Variants in DNER observed in about 807,000 individuals in gnomAD.
The protein encoded by DNER is delta/notch like EGF repeat containing.
In DNER, 33 loss-of-function variants were observed where a neutral mutation model predicts 78.2. The ratio of observed to expected loss-of-function variants is 0.42; its 90% CI spans 0.32 to 0.56. The LOEUF (loss-of-function observed/expected upper bound fraction) is 0.56. Ranked by LOEUF, DNER falls within the 20% of genes least tolerant of loss-of-function variation. The pLI is 0.11. For synonymous variants in DNER, 417 were observed against 384.8 expected (o/e 1.08, Z -0.98); for missense variants, 918 against 975.3 (o/e 0.94, Z 0.78).
chr2:229,641,596 C>T (rs1698625925), intron 1 of DNER, among the ~76,000 whole-genome samples: 1 of 144,386 alleles, frequency 6.9e-6, no homozygotes, highest in African/African-American at 2.6e-5. Context: ...AAACAAATGA[C>T]CTTTCTAGAC....
Position 229,387,509 on chromosome 2 carries a change from G to GAGAGAAAGAAAGAA in DNER, c.1855+755_1855+756insTTCTTTCTTTCTCT, listed in dbSNP as rs1286340836. 3.2e-3 allele frequency among the ~76,000 whole-genome samples: 246 copies of GAGAGAAAGAAAGAA among 76,132 alleles called. 2 individuals are homozygous for GAGAGAAAGAAAGAA. The highest frequency in any genetic ancestry group is 3.5e-3 in the Non-Finnish European group (127 of 36,738). The allele number at this position is 76,132 out of a possible 152,430, so 49.9% of individuals were successfully genotyped here. On this transcript the variant is annotated intron_variant, in intron 11 of 12. Coordinates refer to ENST00000341772, the MANE Select transcript of DNER (RefSeq NM_139072.4). ...AAAGAAAGAAAGAAAGAAAGAAAGA[G>GAGAGAAAGAAAGAA]AGAAAGAAAGAAAGAAAGAAAGAAA...
intron 6 of DNER, among the ~76,000 whole-genome samples, chr2:229,509,439 A>G (rs59783670): frequency 0.014 from 2,124 of 152,344 alleles, 62 homozygotes; most frequent in African/African-American, 0.049. Flanking sequence ...AGTGTCCACA[A>G]TTTGTCAGAC....
chr2:229,499,133 A>G (rs1695560187), intron 6 of DNER, among the ~76,000 whole-genome samples: 1 of 152,164 alleles, frequency 6.6e-6, no homozygotes, highest in Non-Finnish European at 1.5e-5. Context: ...GATTTTCAAC[A>G]ATGATGCCAA....
intron 9 of DNER, among the ~76,000 whole-genome samples, chr2:229,415,430 A>G (rs1395208758): frequency 1.3e-5 from 2 of 152,188 alleles, no homozygotes; most frequent in African/African-American, 4.8e-5. Flanking sequence ...GGAAACTGTT[A>G]GGTAATAAAA....
chr2:229,521,300 G>A (rs1024891531), intron 5 of DNER, among the ~76,000 whole-genome samples: 1 of 152,328 alleles, frequency 6.6e-6, no homozygotes, highest in South Asian at 2.1e-4. Context: ...GGAAGACAGT[G>A]TGTCCTGGCC....
chr2:229,546,849 AGGATGAAAGG>A, intron 5 of DNER, 88 bp downstream of exon 5: 1 of 1,509,696 alleles, frequency 6.6e-7, no homozygotes, highest in South Asian at 1.2e-5. Context: ...AGATAGAGCA[AGGATGAAAGG>A]GGTAAGAACA....
intron 6 of DNER, among the ~76,000 whole-genome samples, chr2:229,480,195 A>G (rs35913968): frequency 0.12 from 17,961 of 152,140 alleles, 1,261 homozygotes; most frequent in South Asian, 0.2. Flanking sequence ...GAGGTTATAA[A>G]CCTCATGTGT....
At chr2:229,390,059 A>G (rs1156801883) in intron 10 of DNER, among the ~76,000 whole-genome samples, 1 of 152,246 alleles carries the variant, frequency 6.6e-6, no homozygotes, top group African/African-American at 2.4e-5. Flanking sequence ...ATGATCAGGA[A>G]CATGCTGAGA....
intron 7 of DNER, among the ~76,000 whole-genome samples, chr2:229,459,083 C>G (rs1363567114): frequency 6.6e-6 from 1 of 151,992 alleles, no homozygotes; most frequent in Non-Finnish European, 1.5e-5. Flanking sequence ...ACACTGAAAA[C>G]TATAAAACAT....
intron 1 of DNER, among the ~76,000 whole-genome samples, chr2:229,604,647 C>T (rs1207178037): frequency 2.0e-5 from 3 of 152,204 alleles, no homozygotes; most frequent in Non-Finnish European, 4.4e-5. Context: ...GTTTTTCTCT[C>T]TGCAGGCACA....
chr2:229,463,045 C>T (rs560476457), intron 7 of DNER, among the ~76,000 whole-genome samples: 15 of 152,068 alleles, frequency 9.9e-5, no homozygotes, highest in Admixed American at 6.5e-4. Context: ...CCCTGCTCAC[C>T]CCTTTCATAG....
chr2:229,624,119 G>A (rs1698298155), intron 1 of DNER, among the ~76,000 whole-genome samples: 1 of 152,182 alleles, frequency 6.6e-6, no homozygotes, highest in African/African-American at 2.4e-5. Flanking sequence ...GAAAGAATTT[G>A]TTGCAGACAC....
At chr2:229,564,853 T>C (rs1227972768) in intron 4 of DNER, among the ~76,000 whole-genome samples, 2 of 152,106 alleles carry the variant, frequency 1.3e-5, no homozygotes, top group Non-Finnish European at 2.9e-5. Flanking sequence ...ACAAAGGAAA[T>C]TTATTGCTCA....
At chr2:229,547,133 C>T in intron 4 of DNER, 41 bp from the exon 5 acceptor site, 10 of 1,609,728 alleles carry the variant, frequency 6.2e-6, no homozygotes, top group Non-Finnish European at 8.5e-6. Flanking sequence ...CAAGTGTCTC[C>T]TCTTTAAAGG....
At chr2:229,413,249 C>A (rs991719748) in intron 9 of DNER, among the ~76,000 whole-genome samples, 27 of 150,896 alleles carry the variant, frequency 1.8e-4, no homozygotes, top group Middle Eastern at 3.5e-3. Flanking sequence ...ACAATAATTG[C>A]AGCATTATAG....
At chr2:229,550,702 G>A (rs1296706874) in intron 4 of DNER, among the ~76,000 whole-genome samples, 2 of 152,128 alleles carry the variant, frequency 1.3e-5, no homozygotes, top group Admixed American at 6.5e-5. Flanking sequence ...CTTGAACCGG[G>A]AGGCGGAGGT....
intron 4 of DNER, among the ~76,000 whole-genome samples, chr2:229,569,230 T>C (rs995734249): frequency 1.3e-5 from 2 of 152,190 alleles, no homozygotes; most frequent in African/African-American, 4.8e-5. Context: ...GATGTTCTAG[T>C]CCCTTACATA....
intron 11 of DNER, among the ~76,000 whole-genome samples, chr2:229,383,533 A>G (rs557669145): frequency 2.0e-4 from 30 of 152,294 alleles, no homozygotes; most frequent in African/African-American, 6.3e-4. Context: ...ATGCAAAGAC[A>G]CACATAGGCT....
chr2:229,699,181 G>A (rs924077423), intron 1 of DNER, among the ~76,000 whole-genome samples: 3 of 151,796 alleles, frequency 2.0e-5, no homozygotes, highest in African/African-American at 7.3e-5. Context: ...AAATACTAAG[G>A]AACACACGAC....
Sources: allele counts gnomAD v4.1 joint callset (sites outside exome capture counted in the v4.1 genomes callset), GRCh38; gene constraint gnomAD v4.1.1; transcripts MANE v1.5; gene names NCBI Gene and HGNC (gene_info 2026-07-23, HGNC 2026-07-21).